Variants in MEGF8 observed in about 807,000 individuals in gnomAD.
MEGF8 encodes multiple EGF like domains 8.
MEGF8 carries 156 observed loss-of-function variants against 302.9 expected under a neutral mutation model. The ratio of observed to expected loss-of-function variants is 0.52; its 90% CI spans 0.45 to 0.59. MEGF8 has a LOEUF of 0.59. Among genes scored for constraint, MEGF8 ranks in the 20% least tolerant of loss-of-function variants. The pLI, the probability that MEGF8 is intolerant of heterozygous loss-of-function variation, is 0.00. For synonymous variants in MEGF8, 1,621 were observed against 1,660.5 expected (o/e 0.98, Z 0.58); for missense variants, 3,345 against 3,964.5 (o/e 0.84, Z 4.20).
Position 42,369,406 on chromosome 19 carries a change from T to G in MEGF8, c.6642-125T>G. ...GGTGGGCTAGATCCTGAAGAGAAGATAGCAACGGGACAGAGCAGGGATGAG... is the reference window on the plus strand; with the variant it reads ...GGTGGGCTAGATCCTGAAGAGAAGAGAGCAACGGGACAGAGCAGGGATGAG... On this transcript the variant is annotated intron_variant, in intron 37 of 41. Coordinates refer to ENST00000251268, the MANE Select transcript of MEGF8 (RefSeq NM_001271938.2). This position sits in a 1 kb window ranked among gnomAD's most constrained non-coding sequence, Gnocchi z 5.7. The G allele has an allele frequency of 1.1e-6, 1 of 942,756 alleles. No homozygotes were observed. The highest frequency in any genetic ancestry group is 2.6e-5 in the Admixed American group (1 of 38,346). The allele number at this position is 942,756 out of a possible 1,614,324, so 58.4% of individuals were successfully genotyped here.
intron 8 of MEGF8, among the ~76,000 whole-genome samples, chr19:42,342,890 C>T (rs999087064): frequency 2.0e-5 from 3 of 152,204 alleles, no homozygotes; most frequent in African/African-American, 7.2e-5. Flanking sequence ...TGTACCCCTC[C>T]CTGAGCCAGT....
intron 12 of MEGF8, among the ~76,000 whole-genome samples, chr19:42,346,984 CAAAAAAAAAAAAAAA>C (rs767117534): frequency 4.0e-5 from 2 of 49,816 alleles, no homozygotes; most frequent in South Asian, 7.2e-4. Flanking sequence ...GACTCTGTCT[CAAAAAAAAAAAAAAA>C]AAAAAAGAAA....
rs2039759456 is a variant in MEGF8, at chr19:42,375,825, C to A, written c.7588C>A (p.Pro2530Thr). The A allele has an allele frequency of 1.9e-6, 3 of 1,611,724 alleles. No individual in the cohort carries two copies. Among genetic ancestry groups the A allele is most frequent in the Admixed American group, 1.7e-5 (1 of 59,914 alleles). ...CCATACTGTACACATCCAGCCACCC[C>A]CAGCCCCACCACCTCCACCACCCCC... is the stretch of plus-strand genomic sequence containing the variant. ...GVHTVHIQPP[P>T]APPPPPPPAD... The change falls in exon 42 of 42, where the codon CCA becomes ACA. Residue 2530 changes from proline (P) to threonine (T), a missense_variant. Coordinates refer to ENST00000251268, the MANE Select transcript of MEGF8 (RefSeq NM_001271938.2). This position sits in a 1 kb window ranked among gnomAD's most constrained non-coding sequence, Gnocchi z 7.1.
chr19:42,327,178 G>A (rs2038995955), intron 1 of MEGF8, among the ~76,000 whole-genome samples: 1 of 152,166 alleles, frequency 6.6e-6, no homozygotes, highest in Non-Finnish European at 1.5e-5. Flanking sequence ...TCAATAAATG[G>A]CATTAGGATT....
rs1302112992 is a variant in MEGF8 at position 42,344,779 on chromosome 19, T to G, written c.2043T>G (p.Pro681=). Residue 681 remains proline (P), a synonymous_variant, in exon 12 of 42, where the codon CCT becomes CCG. Coordinates refer to ENST00000251268, the MANE Select transcript of MEGF8 (RefSeq NM_001271938.2). This position sits in a 1 kb window ranked among gnomAD's most constrained non-coding sequence, Gnocchi z 4.5. Reference sequence around the variant, plus strand: ...CCTGCGTCACCCAGAGCTTCCTGCCTGGCCTGCACTTGCTCACCTTTCAGC... The same window carrying G: ...CCTGCGTCACCCAGAGCTTCCTGCCGGGCCTGCACTTGCTCACCTTTCAGC... ...LEACVTQSFL[P]GLHLLTFQQP... The G allele has an allele frequency of 6.2e-7, 1 of 1,610,894 alleles. No individual in the cohort carries two copies. The highest frequency in any genetic ancestry group is 1.3e-5 in the African/African-American group (1 of 74,868).
chr19:42,355,641 A>T (rs1184591844), intron 23 of MEGF8, 117 bp from the exon 24 acceptor site: 11 of 1,377,100 alleles, frequency 8.0e-6, no homozygotes, highest in Non-Finnish European at 1.1e-5. Context: ...GGCGATGATT[A>T]TGAATAATAT....
rs370740665 is a variant in MEGF8 at position 42,344,609 on chromosome 19, G to A, written c.1933+24G>A. 1.1e-5 allele frequency: 17 copies of A among 1,578,550 alleles called. No homozygotes were observed. Among genetic ancestry groups the A allele is most frequent in the East Asian group, 2.3e-5 (1 of 44,312 alleles). On this transcript the variant is annotated intron_variant, in intron 11 of 41. Transcript: ENST00000251268. The surrounding 1 kb of genome is among the most constrained non-coding windows in gnomAD (Gnocchi z 4.5). ...TGGTGAGTGTCCGCAGCAGTGGGCC[G>A]GCAGGAGGGGGCCAGAGCACTCCAC...
chr19:42,371,199 A>G (rs1231552361), intron 40 of MEGF8, 151 bp from the exon 41 acceptor site: 2 of 1,027,516 alleles, frequency 1.9e-6, no homozygotes. Flanking sequence ...TGGTAATTTA[A>G]CTGCTTTGTG....
chr19:42,351,795 G>T lies in MEGF8; in HGVS notation c.3101+34G>T. On this transcript the variant is annotated intron_variant, in intron 18 of 41. Coordinates refer to ENST00000251268, the MANE Select transcript of MEGF8 (RefSeq NM_001271938.2). The surrounding 1 kb of genome is among the most constrained non-coding windows in gnomAD (Gnocchi z 5.6). ...GGGCAGGTGGGTGGGCAGGGTGCCC[G>T]GCTGTGTCCTTCCTCCATGACCGGT... is the stretch of plus-strand genomic sequence containing the variant. The T allele has an allele frequency of 6.6e-7, 1 of 1,522,604 alleles. No homozygotes were observed. The highest frequency in any genetic ancestry group is 8.9e-7 in the Non-Finnish European group (1 of 1,121,010). 94.3% of individuals were successfully genotyped at this position (1,522,604 alleles called of 1,614,324 possible).
chr19:42,362,409 G>A lies in MEGF8; in HGVS notation c.5870G>A (p.Cys1957Tyr), dbSNP rs772158196. The A allele has an allele frequency of 1.9e-6, 3 of 1,613,854 alleles. No individual in the cohort carries two copies. The highest frequency in any genetic ancestry group is 1.7e-5 in the Admixed American group (1 of 60,008). ...GCGTCCACCCCCCGCTGTAAGTGGT[G>A]TACCAACTGCCCCGAAGGTGCTTGC... The part of the protein sequence containing the change: ...GEASTPRCKW[C>Y]TNCPEGACIG... The change falls in exon 34 of 42, where the codon TGT becomes TAT. Residue 1957 changes from cysteine (C) to tyrosine (Y), a missense_variant. Physicochemically the swap from Cys to Tyr is radical, Grantham distance 194 (BLOSUM62 -2). Coordinates refer to ENST00000251268, the MANE Select transcript of MEGF8 (RefSeq NM_001271938.2).
Position 42,376,583 on chromosome 19 carries a change from A to G in MEGF8, c.8346A>G (p.Thr2782=), listed in dbSNP as rs371296750. The G allele has an allele frequency of 9.0e-6, 14 of 1,551,002 alleles. No individual in the cohort carries two copies. The highest frequency in any genetic ancestry group is 1.1e-5 in the Non-Finnish European group (13 of 1,150,402). ...AAGATGGCATGGCTGGCGTGGCCAC[A>G]CTGCTGCTCCAGCTGCCTGGCGGGC... ...PTEDGMAGVA[T]LLLQLPGGPH... Residue 2782 remains threonine (T), a synonymous_variant, in exon 42 of 42, where the codon ACA becomes ACG. Transcript: ENST00000251268. The surrounding 1 kb of genome is among the most constrained non-coding windows in gnomAD (Gnocchi z 8.2).
chr19:42,351,003 G>A lies in MEGF8; in HGVS notation c.2737-213G>A, dbSNP rs2039361107. On this transcript the variant is annotated intron_variant, in intron 15 of 41. Transcript: ENST00000251268. The surrounding 1 kb of genome is among the most constrained non-coding windows in gnomAD (Gnocchi z 5.6). ...AGCCCCACCCGGACCACACAGAAGGGGTGCTATTGCCTAAAGGAGACAGTG... is the reference window on the plus strand; with the variant it reads ...AGCCCCACCCGGACCACACAGAAGGAGTGCTATTGCCTAAAGGAGACAGTG... 6 of 589,092 alleles carry A rather than the reference G, an allele frequency of 1.0e-5. No individual in the cohort carries two copies. Among genetic ancestry groups the A allele is most frequent in the Non-Finnish European group, 1.8e-5 (6 of 330,080 alleles). The allele number at this position is 589,092 out of a possible 1,614,324, so 36.5% of individuals were successfully genotyped here.
intron 5 of MEGF8, among the ~76,000 whole-genome samples, chr19:42,335,719 T>G (rs1384471669): frequency 6.6e-6 from 1 of 152,216 alleles, no homozygotes; most frequent in Non-Finnish European, 1.5e-5. Flanking sequence ...CCTTTAACTC[T>G]GTCTCCTTGC....
In MEGF8 at chr19:42,358,854, G is replaced by C; in HGVS notation, c.5243G>C (p.Gly1748Ala). Residue 1748 changes from glycine (G) to alanine (A), a missense_variant, in exon 30 of 42, where the codon GGG becomes GCG. Gly to Ala is a moderately conservative substitution (Grantham distance 60, BLOSUM62 0). Coordinates refer to ENST00000251268, the MANE Select transcript of MEGF8 (RefSeq NM_001271938.2). This position sits in a 1 kb window ranked among gnomAD's most constrained non-coding sequence, Gnocchi z 4.4. ...GGCCAAGTTCCTGGGGAGCAGCCTGGGTCATGGGGGTTCCGGGAAGTCAGG... is the reference window on the plus strand; with the variant it reads ...GGCCAAGTTCCTGGGGAGCAGCCTGCGTCATGGGGGTTCCGGGAAGTCAGG... ...GLGQVPGEQP[G>A]SWGFREVRKK... 1.9e-6 allele frequency: 3 copies of C among 1,609,002 alleles called. No individual in the cohort carries two copies. Among genetic ancestry groups the C allele is most frequent in the Non-Finnish European group, 1.7e-6 (2 of 1,177,698 alleles).
chr19:42,376,092 G>T lies in MEGF8; in HGVS notation c.7855G>T (p.Val2619Leu), dbSNP rs772954605. The T allele has an allele frequency of 7.5e-6, 12 of 1,606,224 alleles. No individual in the cohort carries two copies. The highest frequency in any genetic ancestry group is 3.3e-5 in the Admixed American group (2 of 59,984). The change falls in exon 42 of 42, where the codon GTG becomes TTG. Residue 2619 changes from valine (V) to leucine (L), a missense_variant. Transcript: ENST00000251268. This position sits in a 1 kb window ranked among gnomAD's most constrained non-coding sequence, Gnocchi z 8.2. Reference sequence around the variant, plus strand: ...CCGCTTCTACCTGCTGCTGCTGGGCGTGGGAGACCCAAGTGGGCCCGGCGC... The same window carrying T: ...CCGCTTCTACCTGCTGCTGCTGGGCTTGGGAGACCCAAGTGGGCCCGGCGC... ...SSRFYLLLLG[V>L]GDPSGPGANG...
In MEGF8 at chr19:42,325,957, C is replaced by T. The variant is rs1177959146; in HGVS notation, c.-287C>T. The T allele has an allele frequency of 5.5e-6, 2 of 364,282 alleles. No homozygotes were observed. Among genetic ancestry groups the T allele is most frequent in the Non-Finnish European group, 9.7e-6 (2 of 205,610 alleles). The allele number at this position is 364,282 out of a possible 1,614,324, so 22.6% of individuals were successfully genotyped here. ...TCATGGGATCGGCCCCCTATGGAGC[C>T]CTGTGTCTATAGGGGACTCCTACGG... On this transcript the variant is annotated 5_prime_UTR_variant, in exon 1 of 42. Coordinates refer to ENST00000251268, the MANE Select transcript of MEGF8 (RefSeq NM_001271938.2).
In MEGF8 at chr19:42,350,202, T is replaced by G; in HGVS notation, c.2554T>G (p.Ser852Ala). The G allele has an allele frequency of 6.2e-7, 1 of 1,613,680 alleles. No homozygotes were observed. Among genetic ancestry groups the G allele is most frequent in the Non-Finnish European group, 8.5e-7 (1 of 1,179,856 alleles). ...CCGCTCGTCGTCCTGCACCTCCTAT[T>G]CTTCCTGCCTGGGCTGCTTGGCAGA... ...PYRSSSCTSY[S>A]SCLGCLADQG... Residue 852 changes from serine (S) to alanine (A), a missense_variant, in exon 15 of 42, where the codon TCT (serine) becomes GCT (alanine). Transcript: ENST00000251268.
At chr19:42,328,752 A>G (rs1249975927) in intron 1 of MEGF8, among the ~76,000 whole-genome samples, 2 of 152,028 alleles carry the variant, frequency 1.3e-5, no homozygotes, top group Non-Finnish European at 2.9e-5. Flanking sequence ...CCTGGCCGAC[A>G]TGAAGAAACC....
At position 42,353,128 on chromosome 19, in the gene MEGF8, G is replaced by C; in HGVS notation, c.3550+1G>C. 1 of 1,543,058 alleles carries C rather than the reference G, an allele frequency of 6.5e-7. No individual in the cohort carries two copies. Among genetic ancestry groups the C allele is most frequent in the Non-Finnish European group, 8.7e-7 (1 of 1,144,262 alleles). ...CCTGGCTTCTGCGACGAGTGCCAGG[G>C]TAAGCAGCCCTTGTCCTGGGCCCAG... is the stretch of plus-strand genomic sequence containing the variant. On this transcript the variant is annotated splice_donor_variant, in intron 20 of 41. Coordinates refer to ENST00000251268, the MANE Select transcript of MEGF8 (RefSeq NM_001271938.2). LOFTEE classifies it high-confidence loss of function. This position sits in a 1 kb window ranked among gnomAD's most constrained non-coding sequence, Gnocchi z 6.1.
Sources: allele counts gnomAD v4.1 joint callset (sites outside exome capture counted in the v4.1 genomes callset), GRCh38; gene constraint gnomAD v4.1.1; non-coding constraint Gnocchi (gnomAD v3.1); transcripts MANE v1.5; gene names NCBI Gene and HGNC (gene_info 2026-07-23, HGNC 2026-07-21).